HACD4: variants seen among roughly 807,000 people sequenced by gnomAD.
The protein encoded by HACD4 is 3-hydroxyacyl-CoA dehydratase 4.
HACD4 carries 35 observed loss-of-function variants against 33.3 expected under a neutral mutation model. The observed-to-expected ratio is 1.05, with a 90% CI of 0.80 to 1.39. The LOEUF (loss-of-function observed/expected upper bound fraction) is 1.39. Ranked by LOEUF, HACD4 falls within the 40% of genes most tolerant of loss-of-function variation. The pLI, the probability that HACD4 is intolerant of heterozygous loss-of-function variation, is 0.00. For synonymous variants in HACD4, 118 were observed against 98.0 expected, an observed-to-expected ratio of 1.20 and a Z score of -1.21; for missense variants, 323 against 276.5, an observed-to-expected ratio of 1.17 and a Z score of -1.19.
chr9:21,010,119 C>A lies in HACD4; in HGVS notation c.490+1470G>T, dbSNP rs1842376466. On this transcript the variant is annotated intron_variant, in intron 5 of 6. Transcript: ENST00000495827. ...CTTTGGTTATTGTTAATGTCGTCATCATTTTATGTTAAACACCATGTCCTT... is the reference window on the plus strand; with the variant it reads ...CTTTGGTTATTGTTAATGTCGTCATAATTTTATGTTAAACACCATGTCCTT... 2.0e-5 allele frequency among the ~76,000 whole-genome samples: 3 copies of A among 152,124 alleles called. No individual in the cohort carries two copies. In the South Asian group the frequency reaches 6.2e-4, roughly 32 times the overall value.
rs1257788957 is a variant in HACD4 at position 21,004,873 on chromosome 9, G to C, written c.*2164C>G. On this transcript the variant is annotated 3_prime_UTR_variant, in exon 7 of 7. Coordinates refer to ENST00000495827, the MANE Select transcript of HACD4 (RefSeq NM_001010915.5). This position sits in a 1 kb window ranked among gnomAD's most constrained non-coding sequence, Gnocchi z 4.6. ...TGGAAGAGTACTGGAAGAGTTTTGA[G>C]GTACTAGTTTTTTTGCTAGAAAAAG... 6.6e-6 allele frequency: 1 copy of C among 152,090 alleles called. No homozygotes were observed. The highest frequency in any genetic ancestry group is 1.5e-5 in the Non-Finnish European group (1 of 68,028). 9.4% of individuals were successfully genotyped at this position (152,090 alleles called of 1,614,324 possible). A position where few individuals can be genotyped will look rare whatever the true frequency, so the allele number is the denominator to read the frequency against.
At chr9:21,013,143 A>G (rs1350058443) in intron 4 of HACD4, among the ~76,000 whole-genome samples, 1 of 151,652 alleles carries the variant, frequency 6.6e-6, no homozygotes, top group Non-Finnish European at 1.5e-5. Context: ...TGTACCTTAT[A>G]ACACAGCCAA....
chr9:21,030,552 A>G (rs1055457727), intron 1 of HACD4, among the ~76,000 whole-genome samples: 1 of 152,248 alleles, frequency 6.6e-6, no homozygotes, highest in South Asian at 2.1e-4. Flanking sequence ...TGCTAAGTGC[A>G]GAACTTGAGA....
chr9:21,031,441 G>C (rs1055597941), intron 1 of HACD4, 112 bp downstream of exon 1: 89 of 1,343,960 alleles, frequency 6.6e-5, no homozygotes, highest in Non-Finnish European at 8.3e-5. Context: ...GTAGCGCTGC[G>C]CCTTGCTGGC....
At chr9:21,016,140 C>A in intron 3 of HACD4, 130 bp from the exon 4 acceptor site, 1 of 568,070 alleles carries the variant, frequency 1.8e-6, no homozygotes, top group Non-Finnish European at 3.1e-6. Context: ...AAACTGTTAA[C>A]AATGCCTCCC....
Position 21,002,645 on chromosome 9 carries a change from G to A in HACD4, c.*4392C>T, listed in dbSNP as rs1842184514. ...GTTCTGGAGATGGACAGTGGTGATG[G>A]TTGCACAATATAAATTACTTACTAC... On this transcript the variant is annotated 3_prime_UTR_variant, in exon 7 of 7. Transcript: ENST00000495827. The A allele has an allele frequency of 6.6e-6, 1 of 152,170 alleles. No homozygotes were observed. Among genetic ancestry groups the A allele is most frequent in the East Asian group, 1.9e-4 (1 of 5,186 alleles). 9.4% of individuals were successfully genotyped at this position (152,170 alleles called of 1,614,324 possible). A position where few individuals can be genotyped will look rare whatever the true frequency, so the allele number is the denominator to read the frequency against.
intron 1 of HACD4, among the ~76,000 whole-genome samples, chr9:21,030,166 C>G (rs7875765): frequency 6.6e-6 from 1 of 151,130 alleles, no homozygotes; most frequent in Non-Finnish European, 1.5e-5. Context: ...ACAGGCTGGG[C>G]GCGGTGGCTC....
intron 3 of HACD4, among the ~76,000 whole-genome samples, chr9:21,019,589 TA>T (rs1817851957): frequency 6.6e-6 from 1 of 152,106 alleles, no homozygotes; most frequent in South Asian, 2.1e-4. Flanking sequence ...TCTATGTAGA[TA>T]ATGACTGTGA....
At chr9:21,031,375 T>C in intron 1 of HACD4, 178 bp downstream of exon 1, 1 of 803,298 alleles carries the variant, frequency 1.2e-6, no homozygotes, top group Non-Finnish European at 1.5e-6. Flanking sequence ...CCTAGGGTGG[T>C]CAAGAGGGGT....
chr9:21,001,511 A>C lies in HACD4; in HGVS notation c.*5526T>G, dbSNP rs1842165520. On this transcript the variant is annotated 3_prime_UTR_variant, in exon 7 of 7. Coordinates refer to ENST00000495827, the MANE Select transcript of HACD4 (RefSeq NM_001010915.5). The stretch of plus-strand genomic sequence containing the variant: ...AGAGAGAAAGAAAGGAGCAGAGAGA[A>C]TATTTGAAGAACAGCCAGATAATGA... The C allele has an allele frequency of 6.6e-6, 1 of 152,132 alleles. No individual in the cohort carries two copies. 9.4% of individuals were successfully genotyped at this position (152,132 alleles called of 1,614,324 possible).
At chr9:21,021,832 C>A (rs1208070111) in intron 3 of HACD4, among the ~76,000 whole-genome samples, 1 of 152,126 alleles carries the variant, frequency 6.6e-6, no homozygotes, top group African/African-American at 2.4e-5. Flanking sequence ...TCAATGCCAT[C>A]CCCATCAAGC....
At chr9:21,007,162 A>C (rs761537568) in intron 6 of HACD4, 43 bp from the exon 7 acceptor site, 5 of 990,526 alleles carry the variant, frequency 5.0e-6, no homozygotes, top group Non-Finnish European at 3.3e-6. Flanking sequence ...AAGGTTAACT[A>C]TTTCTCTGGA....
intron 4 of HACD4, among the ~76,000 whole-genome samples, chr9:21,012,118 C>T (rs1483008612): frequency 1.3e-5 from 2 of 152,192 alleles, no homozygotes; most frequent in African/African-American, 4.8e-5. Context: ...CATCCTTCTG[C>T]TTCTGCAGTT....
chr9:21,018,031 C>T (rs1817806768), intron 3 of HACD4: 1 of 152,130 alleles, frequency 6.6e-6, no homozygotes, highest in Non-Finnish European at 1.5e-5. Context: ...CAGGATGGAC[C>T]CCCAAACCAA....
At chr9:21,028,038 G>C (rs1208197531) in intron 2 of HACD4, among the ~76,000 whole-genome samples, 2 of 151,432 alleles carry the variant, frequency 1.3e-5, no homozygotes, top group Non-Finnish European at 2.9e-5. Flanking sequence ...AGGGAACTGA[G>C]GCAGGAGAAT....
rs1449579153 is a variant in HACD4 at position 21,000,737 on chromosome 9, G to A, written c.*6300C>T. ...AGTGGAAGATAGATACTGGGTAAAG[G>A]AAGATAATTTTTAGCATATTTTAAC... On this transcript the variant is annotated 3_prime_UTR_variant, in exon 7 of 7. Coordinates refer to ENST00000495827, the MANE Select transcript of HACD4 (RefSeq NM_001010915.5). The A allele has an allele frequency of 6.6e-6, 1 of 152,140 alleles. No homozygotes were observed. The highest frequency in any genetic ancestry group is 1.9e-4 in the East Asian group (1 of 5,180). 9.4% of individuals were successfully genotyped at this position (152,140 alleles called of 1,614,324 possible).
intron 2 of HACD4, among the ~76,000 whole-genome samples, chr9:21,028,450 G>C (rs1454937270): frequency 2.0e-5 from 3 of 152,294 alleles, no homozygotes; most frequent in Admixed American, 6.5e-5. Flanking sequence ...ACAAAGGCGA[G>C]ACTATATCTG....
At chr9:21,023,699 C>G (rs1285566986) in intron 3 of HACD4, among the ~76,000 whole-genome samples, 1 of 151,984 alleles carries the variant, frequency 6.6e-6, no homozygotes, top group African/African-American at 2.4e-5. Context: ...CTCAGCCTCC[C>G]GAGTAGCTGG....
At chr9:21,023,477 A>C (rs922412184) in intron 3 of HACD4, among the ~76,000 whole-genome samples, 3 of 152,198 alleles carry the variant, frequency 2.0e-5, no homozygotes, top group Non-Finnish European at 4.4e-5. Context: ...CAATTGCTCA[A>C]CTAGCTAATC....
Sources: allele counts gnomAD v4.1 joint callset (sites outside exome capture counted in the v4.1 genomes callset), GRCh38; gene constraint gnomAD v4.1.1; non-coding constraint Gnocchi (gnomAD v3.1); transcripts MANE v1.5; gene names NCBI Gene and HGNC (gene_info 2026-07-23, HGNC 2026-07-21).